Variants in OPCML observed in about 807,000 individuals in gnomAD.
OPCML encodes the protein opioid-binding protein/cell adhesion molecule.
In OPCML, 13 loss-of-function variants were observed where a neutral mutation model predicts 37.8. The ratio of observed to expected loss-of-function variants is 0.34; its 90% CI spans 0.22 to 0.55. The LOEUF (loss-of-function observed/expected upper bound fraction) is 0.55. Ranked by LOEUF, OPCML falls within the 20% of genes least tolerant of loss-of-function variation. OPCML has a pLI of 0.91. For synonymous variants in OPCML, 176 were observed against 168.8 expected, an observed-to-expected ratio of 1.04 and a Z score of -0.33; for missense variants, 341 against 435.6, an observed-to-expected ratio of 0.78 and a Z score of 1.93.
chr11:132,723,228 A>G (rs1251112908), intron 2 of OPCML, among the ~76,000 whole-genome samples: 2 of 152,216 alleles, frequency 1.3e-5, no homozygotes, highest in Non-Finnish European at 2.9e-5. Flanking sequence ...ATACCCATTT[A>G]CTCACCAAAA....
chr11:133,399,155 A>T (rs1457214253), intron 1 of OPCML, among the ~76,000 whole-genome samples: 2 of 152,202 alleles, frequency 1.3e-5, no homozygotes. Context: ...AGAAAGAATC[A>T]GGAAAGTAAC....
At chr11:132,589,975 C>T (rs2096481700) in intron 3 of OPCML, among the ~76,000 whole-genome samples, 1 of 152,160 alleles carries the variant, frequency 6.6e-6, no homozygotes, top group Non-Finnish European at 1.5e-5. Flanking sequence ...CTCCTTGGCT[C>T]ATGCTTTGGC....
intron 1 of OPCML, among the ~76,000 whole-genome samples, chr11:133,048,259 A>G (rs746218911): frequency 2.0e-5 from 3 of 152,142 alleles, no homozygotes; most frequent in Non-Finnish European, 4.4e-5. Flanking sequence ...TATTATCTCC[A>G]TCTTATCAGA....
At chr11:133,139,129 A>C (rs549328694) in intron 1 of OPCML, among the ~76,000 whole-genome samples, 1 of 152,368 alleles carries the variant, frequency 6.6e-6, no homozygotes, top group African/African-American at 2.4e-5. Flanking sequence ...CTAACACGTA[A>C]TGTGACTGAA....
At chr11:133,507,522 G>T (rs1316516539) in intron 1 of OPCML, among the ~76,000 whole-genome samples, 3 of 152,164 alleles carry the variant, frequency 2.0e-5, no homozygotes, top group African/African-American at 4.8e-5. Flanking sequence ...GATTCCTAGG[G>T]CTCCTCTCAC....
intron 2 of OPCML, among the ~76,000 whole-genome samples, chr11:132,752,269 A>G (rs1591556908): frequency 6.6e-6 from 1 of 152,100 alleles, no homozygotes; most frequent in East Asian, 1.9e-4. Context: ...AATAAAAAAA[A>G]AAAATTAAAA....
At chr11:132,753,709 A>G (rs1411741289) in intron 2 of OPCML, among the ~76,000 whole-genome samples, 6 of 152,226 alleles carry the variant, frequency 3.9e-5, no homozygotes, top group Non-Finnish European at 8.8e-5. Context: ...TTCAGGTGGT[A>G]AGATCAGTGA....
intron 7 of OPCML, among the ~76,000 whole-genome samples, chr11:132,428,098 T>A (rs536974029): frequency 3.9e-5 from 6 of 152,296 alleles, no homozygotes; most frequent in Middle Eastern, 3.4e-3. Flanking sequence ...GATGAACGTC[T>A]TCCTAAACAG....
At chr11:133,506,410 C>T (rs940483171) in intron 1 of OPCML, among the ~76,000 whole-genome samples, 5 of 152,158 alleles carry the variant, frequency 3.3e-5, no homozygotes, top group Non-Finnish European at 2.9e-5. Flanking sequence ...GGGTAATGAG[C>T]GCGGGGGCTC....
At chr11:133,361,721 G>GC (rs1264857442) in intron 1 of OPCML, 6 of 155,332 alleles carry the variant, frequency 3.9e-5, no homozygotes, top group African/African-American at 1.4e-4. Flanking sequence ...GCCACGCCGC[G>GC]CCCCGCTCAC....
At chr11:133,055,647 A>G (rs1209364315) in intron 1 of OPCML, among the ~76,000 whole-genome samples, 1 of 149,992 alleles carries the variant, frequency 6.7e-6, no homozygotes, top group Non-Finnish European at 1.5e-5. Context: ...AGACTCCATG[A>G]GGGAGCCGCC....
At position 132,594,738 on chromosome 11, in the gene OPCML, G is replaced by A. The variant is rs80162966; in HGVS notation, c.379+62349C>T. 9.3e-3 allele frequency among the ~76,000 whole-genome samples: 1,413 copies of A among 152,198 alleles called. 18 individuals are homozygous for A. Among genetic ancestry groups the A allele is most frequent in the African/African-American group, 0.032 (1,346 of 41,542 alleles). ...CGATTATATCACCATGTCCAAAATA[G>A]GTATGAAAATCTAAGCTGGTCAAAT... On this transcript the variant is annotated intron_variant, in intron 3 of 7. Transcript: ENST00000524381.
chr11:132,613,445 A>G (rs1044865387), intron 3 of OPCML, among the ~76,000 whole-genome samples: 2 of 152,230 alleles, frequency 1.3e-5, no homozygotes, highest in African/African-American at 4.8e-5. Context: ...ACGGAACAAA[A>G]CAAAGCCAGC....
chr11:132,861,577 C>T (rs1455055667), intron 2 of OPCML, among the ~76,000 whole-genome samples: 1 of 152,142 alleles, frequency 6.6e-6, no homozygotes. Context: ...TGGCTCACGC[C>T]TGTAATCCCA....
At chr11:132,466,878 G>A (rs2096121650) in intron 4 of OPCML, among the ~76,000 whole-genome samples, 1 of 152,136 alleles carries the variant, frequency 6.6e-6, no homozygotes, top group Non-Finnish European at 1.5e-5. Context: ...ATGCACTTAT[G>A]TGTATTTTTA....
intron 1 of OPCML, among the ~76,000 whole-genome samples, chr11:133,216,139 G>A (rs548027036): frequency 6.6e-6 from 1 of 152,268 alleles, no homozygotes; most frequent in Admixed American, 6.5e-5. Flanking sequence ...ATCTGACTTC[G>A]GATTCCCGTA....
chr11:133,186,972 C>T (rs577311186), intron 1 of OPCML, among the ~76,000 whole-genome samples: 5 of 151,902 alleles, frequency 3.3e-5, no homozygotes, highest in South Asian at 2.1e-4. Flanking sequence ...AGGCATTCGT[C>T]GTGGTGGTGG....
chr11:132,480,545 G>T (rs2096175993), intron 4 of OPCML, among the ~76,000 whole-genome samples: 1 of 152,104 alleles, frequency 6.6e-6, no homozygotes, highest in African/African-American at 2.4e-5. Context: ...CTTGAGAAGA[G>T]CAACTCCAAG....
intron 1 of OPCML, among the ~76,000 whole-genome samples, chr11:133,494,354 A>G (rs1182718867): frequency 6.6e-6 from 1 of 151,830 alleles, no homozygotes; most frequent in Non-Finnish European, 1.5e-5. Context: ...CATTTGACCC[A>G]GCCATCCCAT....
Sources: allele counts gnomAD v4.1 joint callset (sites outside exome capture counted in the v4.1 genomes callset), GRCh38; gene constraint gnomAD v4.1.1; transcripts MANE v1.5; gene names NCBI Gene and HGNC (gene_info 2026-07-23, HGNC 2026-07-21).